PCDHGA6: variants seen among roughly 807,000 people sequenced by gnomAD.
The protein encoded by PCDHGA6 is protocadherin gamma subfamily A, 6.
Under a neutral mutation model 60.6 loss-of-function variants are expected in PCDHGA6, and 41 were observed. The observed-to-expected ratio is 0.68, with a 90% CI of 0.53 to 0.88. The LOEUF is 0.88. Among genes scored for constraint, PCDHGA6 ranks in the 40% least tolerant of loss-of-function variants. The pLI is 0.00. For synonymous variants in PCDHGA6, 594 were observed against 524.4 expected (o/e 1.13, Z -1.81); for missense variants, 1,312 against 1,203.0 (o/e 1.09, Z -1.34).
At chr5:141,447,797 T>C (rs536848880) in intron 1 of PCDHGA6, among the ~76,000 whole-genome samples, 16 of 152,022 alleles carry the variant, frequency 1.1e-4, no homozygotes, top group Admixed American at 7.9e-4. Context: ...TTTAAGAAAA[T>C]AAAATTGGCT....
rs370237298 is a variant in PCDHGA6 at position 141,487,298 on chromosome 5, G to A, written c.2425-7509G>A. ...TTGCTTTGTCTCCTTTGGCTCATTCGTGGCACTACTCTCTAAGTGTCTTCG... is the reference window on the plus strand; with the variant it reads ...TTGCTTTGTCTCCTTTGGCTCATTCATGGCACTACTCTCTAAGTGTCTTCG... On this transcript the variant is annotated intron_variant, in intron 1 of 3. Coordinates refer to ENST00000517434, the MANE Select transcript of PCDHGA6 (RefSeq NM_018919.3). The surrounding 1 kb of genome is among the most constrained non-coding windows in gnomAD (Gnocchi z 5.0). The A allele has an allele frequency of 3.2e-5, 51 of 1,614,072 alleles. 1 individual carries two copies. Among genetic ancestry groups the A allele is most frequent in the South Asian group, 5.5e-5 (5 of 91,082 alleles).
At chr5:141,415,467 C>T (rs754252558) in intron 1 of PCDHGA6, 2 of 1,614,080 alleles carry the variant, frequency 1.2e-6, no homozygotes, top group African/African-American at 1.3e-5. Context: ...TCTCTCTCAC[C>T]GCGGACTCGC....
chr5:141,497,740 C>G (rs954595046), intron 2 of PCDHGA6, among the ~76,000 whole-genome samples: 9 of 152,054 alleles, frequency 5.9e-5, no homozygotes, highest in African/African-American at 2.2e-4. Context: ...GGTTTCGCCA[C>G]GTTGGCCAGG....
In PCDHGA6 at chr5:141,432,038, C is replaced by T. The variant is rs202246871; in HGVS notation, c.2424+55531C>T. ...CAACATCACAGTGACCGCCACTGAC[C>T]GGGGAACCCCGCCCCTATCCACGGA... On this transcript the variant is annotated intron_variant, in intron 1 of 3. Coordinates refer to ENST00000517434, the MANE Select transcript of PCDHGA6 (RefSeq NM_018919.3). The surrounding 1 kb of genome is among the most constrained non-coding windows in gnomAD (Gnocchi z 6.0). 15 of 1,614,190 alleles carry T rather than the reference C, an allele frequency of 9.3e-6. No individual in the cohort carries two copies. The African/African-American group carries it at 1.5e-4, about 16-fold the overall frequency.
At chr5:141,421,721 T>G in intron 1 of PCDHGA6, 1 of 1,613,940 alleles carries the variant, frequency 6.2e-7, no homozygotes, top group Non-Finnish European at 8.5e-7. Flanking sequence ...GATGTGGGCG[T>G]GAACTCCCTC....
At chr5:141,393,251 G>C in intron 1 of PCDHGA6, 1 of 1,613,814 alleles carries the variant, frequency 6.2e-7, no homozygotes, top group South Asian at 1.1e-5. Flanking sequence ...ACGAAATCGC[G>C]GTTCCTGGAG....
At chr5:141,392,633 A>T (rs2092567816) in intron 1 of PCDHGA6, 1 of 610,728 alleles carries the variant, frequency 1.6e-6, no homozygotes, top group African/African-American at 1.9e-5. Flanking sequence ...CTCAGATCTC[A>T]CACCTCACGA....
intron 1 of PCDHGA6, chr5:141,418,494 T>TGATGGTGGG: frequency 6.2e-7 from 1 of 1,614,020 alleles, no homozygotes; most frequent in Non-Finnish European, 8.5e-7. Context: ...CACTTGGTAC[T>TGATGGTGGG]GACCGCCTTA....
At chr5:141,495,810 C>A (rs1003475681) in intron 2 of PCDHGA6, among the ~76,000 whole-genome samples, 2 of 152,088 alleles carry the variant, frequency 1.3e-5, no homozygotes, top group African/African-American at 4.8e-5. Flanking sequence ...CGTTTCCTAG[C>A]GCCTTGTGTT....
chr5:141,489,904 C>T lies in PCDHGA6; in HGVS notation c.2425-4903C>T, dbSNP rs750411680. On this transcript the variant is annotated intron_variant, in intron 1 of 3. Transcript: ENST00000517434. This position sits in a 1 kb window ranked among gnomAD's most constrained non-coding sequence, Gnocchi z 4.5. ...TGCTGTGGATGGGGGGACCCCAGCC[C>T]GCTCAGGGACCACCCTTATCTCTGT... 1.6e-5 allele frequency: 26 copies of T among 1,614,092 alleles called. No homozygotes were observed. The highest frequency in any genetic ancestry group is 3.3e-5 in the Admixed American group (2 of 60,014).
intron 1 of PCDHGA6, chr5:141,412,903 G>T: frequency 5.3e-6 from 2 of 376,030 alleles, no homozygotes; most frequent in East Asian, 4.2e-5. Flanking sequence ...ACTTTCCATT[G>T]CATGTATCAC....
chr5:141,498,880 C>G (rs1334510457), intron 2 of PCDHGA6, among the ~76,000 whole-genome samples: 1 of 150,028 alleles, frequency 6.7e-6, no homozygotes, highest in African/African-American at 2.4e-5. Flanking sequence ...TTGCAGTGAG[C>G]TGAGATCACA....
Position 141,486,416 on chromosome 5 carries a change from C to G in PCDHGA6, c.2425-8391C>G. The G allele has an allele frequency of 4.3e-6, 7 of 1,614,152 alleles. No homozygotes were observed. The highest frequency in any genetic ancestry group is 5.9e-6 in the Non-Finnish European group (7 of 1,180,016). On this transcript the variant is annotated intron_variant, in intron 1 of 3. Coordinates refer to ENST00000517434, the MANE Select transcript of PCDHGA6 (RefSeq NM_018919.3). The surrounding 1 kb of genome is among the most constrained non-coding windows in gnomAD (Gnocchi z 5.0). Reference sequence around the variant, plus strand: ...CCTGGTGACTGCTGGACCCTTGGATCGAGAGGCCAAATCTAGCTATGACAT... The same window carrying G: ...CCTGGTGACTGCTGGACCCTTGGATGGAGAGGCCAAATCTAGCTATGACAT...
rs759346998 is a variant in PCDHGA6, at chr5:141,410,849, C to CTTTTTTTTTTTTTTTTTTTTTTTTTTTTT, written c.2424+34364_2424+34365insTTTTTTTTTTTTTTTTTTTTTTTTTTTTT. 5.4e-5 allele frequency: 7 copies of CTTTTTTTTTTTTTTTTTTTTTTTTTTTTT among 129,786 alleles called. 2 individuals carry two copies. The highest frequency in any genetic ancestry group is 3.0e-4 in the African/African-American group (5 of 16,598). 8.0% of individuals were successfully genotyped at this position (129,786 alleles called of 1,614,324 possible). A position where few individuals can be genotyped will look rare whatever the true frequency, so the allele number is the denominator to read the frequency against. ...CAGACTGAAGATATTTTGTCTTTGT[C>CTTTTTTTTTTTTTTTTTTTTTTTTTTTTT]TTTTTTTTTTTTTTTTTTTTTTGAG... On this transcript the variant is annotated intron_variant, in intron 1 of 3. Transcript: ENST00000517434.
chr5:141,508,737 C>A (rs919094477), intron 3 of PCDHGA6, among the ~76,000 whole-genome samples: 8 of 152,010 alleles, frequency 5.3e-5, no homozygotes, highest in Non-Finnish European at 1.2e-4. Flanking sequence ...CTACACCCCC[C>A]ACCCCGCTCT....
chr5:141,436,813 G>A (rs537103294), intron 1 of PCDHGA6, among the ~76,000 whole-genome samples: 91 of 152,320 alleles, frequency 6.0e-4, no homozygotes, highest in Non-Finnish European at 1.1e-3. Flanking sequence ...TGTGACAGCT[G>A]GTTTAAAAAT....
Position 141,376,215 on chromosome 5 carries a change from T to C in PCDHGA6, c.2132T>C (p.Leu711Pro). The C allele has an allele frequency of 6.2e-7, 1 of 1,614,216 alleles. No homozygotes were observed. Among genetic ancestry groups the C allele is most frequent in the Non-Finnish European group, 8.5e-7 (1 of 1,180,036 alleles). The part of the protein sequence containing the change: ...SCVFLAFVIV[L>P]LALRLQRWHK... ...GTCTTCCTGGCCTTCGTCATCGTGC[T>C]GCTGGCGCTCAGACTGCAGCGCTGG... is the stretch of plus-strand genomic sequence containing the variant. Residue 711 changes from leucine (L) to proline (P), a missense_variant, in exon 1 of 4, where the codon CTG becomes CCG. Physicochemically the swap from Leu to Pro is moderately conservative, Grantham distance 98. Coordinates refer to ENST00000517434, the MANE Select transcript of PCDHGA6 (RefSeq NM_018919.3).
In PCDHGA6 at chr5:141,512,243, C is replaced by T. The variant is rs1205585993; in HGVS notation, c.*1070C>T. ...AGGTCCCCTTGAGAGGTCAGAGGGG[C>T]CTCTGTGGGTGCTGGGTACTCCAGA... On this transcript the variant is annotated 3_prime_UTR_variant, in exon 4 of 4. Transcript: ENST00000517434. 2 of 152,728 alleles carry T rather than the reference C, an allele frequency of 1.3e-5. No homozygotes were observed. The highest frequency in any genetic ancestry group is 1.5e-5 in the Non-Finnish European group (1 of 68,138). 9.5% of individuals were successfully genotyped at this position (152,728 alleles called of 1,614,324 possible).
At chr5:141,430,603 C>A in intron 1 of PCDHGA6, 1 of 632,906 alleles carries the variant, frequency 1.6e-6, no homozygotes, top group Non-Finnish European at 2.5e-6. Context: ...GCGCCTGAAG[C>A]ACAAAGCAGA....
Sources: allele counts gnomAD v4.1 joint callset (sites outside exome capture counted in the v4.1 genomes callset), GRCh38; gene constraint gnomAD v4.1.1; non-coding constraint Gnocchi (gnomAD v3.1); transcripts MANE v1.5; gene names NCBI Gene and HGNC (gene_info 2026-07-23, HGNC 2026-07-21).